The following C2CD3 variants were observed in gnomAD, a reference collection of about 807,000 sequenced individuals.
C2CD3 encodes C2 domain containing 3 centriole elongation regulator, also known as C2 domain-containing protein 3.
C2CD3 carries 148 observed loss-of-function variants against 234.0 expected under a neutral mutation model. That is an observed-to-expected ratio of 0.63 (90% confidence interval 0.55 to 0.72). C2CD3 has a LOEUF of 0.72. Among genes scored for constraint, C2CD3 ranks in the 30% least tolerant of loss-of-function variants. The pLI is 0.00. For synonymous variants in C2CD3, 1,000 were observed against 1,035.4 expected, an observed-to-expected ratio of 0.97 and a Z score of 0.66; for missense variants, 2,577 against 2,811.5, an observed-to-expected ratio of 0.92 and a Z score of 1.89.
At position 74,100,336 on chromosome 11, in the gene C2CD3, T is replaced by C. The variant is rs73559847; in HGVS notation, c.2732+189A>G. On this transcript the variant is annotated intron_variant, in intron 15 of 32. Transcript: ENST00000334126. ...GTTGCAAGGTTTTTAGCATAGTGCC[T>C]GAAACATGGTAAGCAATATCTCTAA... 0.018 allele frequency among the ~76,000 whole-genome samples: 2,696 copies of C among 152,360 alleles called. 82 individuals are homozygous for C. The highest frequency in any genetic ancestry group is 0.062 in the African/African-American group (2,568 of 41,580).
chr11:74,136,716 T>C (rs562208376), intron 5 of C2CD3, among the ~76,000 whole-genome samples: 1 of 152,156 alleles, frequency 6.6e-6, no homozygotes, highest in Non-Finnish European at 1.5e-5. Flanking sequence ...TTTACCAGTC[T>C]GGTTACTTTC....
chr11:74,117,046 G>GTATATATATA lies in C2CD3; in HGVS notation c.1520+1181_1520+1182insTATATATATA, dbSNP rs1956997476. Among the ~76,000 whole-genome samples the GTATATATATA allele has an allele frequency of 3.1e-4, 13 of 42,466 alleles. 4 individuals carry two copies. The highest frequency in any genetic ancestry group is 7.8e-4 in the Admixed American group (3 of 3,856). 27.9% of individuals were successfully genotyped at this position (42,466 alleles called of 152,430 possible). A position where few individuals can be genotyped will look rare whatever the true frequency, so the allele number is the denominator to read the frequency against. ...CGTGTATATGTATATATACGTGTGT[G>GTATATATATA]TGTATATATATATGAATATATATAT... On this transcript the variant is annotated intron_variant, in intron 9 of 32. Coordinates refer to ENST00000334126, the MANE Select transcript of C2CD3 (RefSeq NM_001286577.2).
chr11:74,096,516 T>C (rs1264857972), intron 16 of C2CD3, among the ~76,000 whole-genome samples: 3 of 152,148 alleles, frequency 2.0e-5, no homozygotes, highest in African/African-American at 7.2e-5. Context: ...TCACAACAGC[T>C]ACTTAATTTG....
At chr11:74,131,935 A>G (rs962373766) in intron 7 of C2CD3, among the ~76,000 whole-genome samples, 4 of 152,240 alleles carry the variant, frequency 2.6e-5, no homozygotes, top group African/African-American at 9.6e-5. Context: ...ACTATGCCCT[A>G]TTAACTTTCC....
intron 17 of C2CD3, 85 bp from the exon 18 acceptor site, chr11:74,094,084 CT>C: frequency 9.1e-7 from 1 of 1,093,462 alleles, no homozygotes; most frequent in Non-Finnish European, 1.3e-6. Context: ...GTGAATATTA[CT>C]TAGTAATTCC....
intron 25 of C2CD3, among the ~76,000 whole-genome samples, chr11:74,055,373 TATATATTAC>T (rs150630097): frequency 0.046 from 6,989 of 152,230 alleles, 463 homozygotes; most frequent in African/African-American, 0.15. Context: ...CCAATACATT[TATATATTAC>T]ATAAATTACA....
intron 17 of C2CD3, among the ~76,000 whole-genome samples, chr11:74,094,911 A>G (rs184528212): frequency 2.0e-5 from 3 of 152,342 alleles, no homozygotes; most frequent in Admixed American, 1.3e-4. Context: ...ATCAACTTAT[A>G]CTATGTGTAT....
chr11:74,162,356 A>T (rs1402450492), intron 2 of C2CD3, among the ~76,000 whole-genome samples: 1 of 152,186 alleles, frequency 6.6e-6, no homozygotes, highest in East Asian at 1.9e-4. Context: ...TTTTATTAGT[A>T]TAGAATTTAT....
At chr11:74,056,230 T>A (rs1054028635) in intron 25 of C2CD3, among the ~76,000 whole-genome samples, 3 of 152,236 alleles carry the variant, frequency 2.0e-5, no homozygotes, top group African/African-American at 7.2e-5. Flanking sequence ...TGGCTAGTGT[T>A]GGTGGACAAG....
intron 23 of C2CD3, among the ~76,000 whole-genome samples, chr11:74,075,568 A>T (rs953163387): frequency 6.6e-6 from 1 of 152,180 alleles, no homozygotes; most frequent in African/African-American, 2.4e-5. Flanking sequence ...GAGATTTATA[A>T]AACAGAAGGA....
intron 31 of C2CD3, among the ~76,000 whole-genome samples, chr11:74,032,019 T>C (rs140399036): frequency 1.4e-4 from 22 of 152,356 alleles, no homozygotes; most frequent in Admixed American, 6.5e-4. Context: ...TCCACTCATT[T>C]GGTTTTCTCA....
intron 2 of C2CD3, 109 bp from the exon 3 acceptor site, chr11:74,161,665 T>A (rs1390963683): frequency 8.3e-6 from 5 of 605,768 alleles, no homozygotes; most frequent in East Asian, 3.0e-5. Context: ...TGAAAAAAAA[T>A]ATTTTATGTT....
chr11:74,048,051 G>A (rs561783145), intron 28 of C2CD3, among the ~76,000 whole-genome samples, 154 bp downstream of exon 28: 63 of 152,266 alleles, frequency 4.1e-4, no homozygotes, highest in African/African-American at 1.4e-3. Context: ...GTTTTCATAC[G>A]ATCTTGGGGT....
In C2CD3 at chr11:74,074,338, G is replaced by A. The variant is rs761842066; in HGVS notation, c.4866C>T (p.Arg1622=). 4 of 1,614,220 alleles carry A rather than the reference G, an allele frequency of 2.5e-6. No individual in the cohort carries two copies. In the South Asian group the frequency reaches 3.3e-5, roughly 13 times the overall value. Residue 1622 remains arginine, a synonymous_variant, in exon 24 of 33, where the codon CGC becomes CGT. Transcript: ENST00000334126. ...AATCAGCAGGGCCCTCCTGCGTCAGGCGGACTTCAGCTGTGGTGCTGCTGC... is the reference window on the plus strand; with the variant it reads ...AATCAGCAGGGCCCTCCTGCGTCAGACGGACTTCAGCTGTGGTGCTGCTGC... ...VPCSSTTAEV[R]LTQEGPADLD...
chr11:74,115,902 T>A (rs1173008223), intron 9 of C2CD3, among the ~76,000 whole-genome samples: 3 of 152,188 alleles, frequency 2.0e-5, no homozygotes, highest in African/African-American at 4.8e-5. Context: ...CAAATGGTGC[T>A]GGGACAATTG....
At chr11:74,157,057 T>C (rs1424404823) in intron 3 of C2CD3, among the ~76,000 whole-genome samples, 1 of 152,230 alleles carries the variant, frequency 6.6e-6, no homozygotes, top group Non-Finnish European at 1.5e-5. Flanking sequence ...TAGTCATCGA[T>C]CATATGCACA....
chr11:74,117,913 C>CAAAAAAAAAAAAAAAAAAACA (rs1262165951), intron 9 of C2CD3, among the ~76,000 whole-genome samples: 1 of 65,988 alleles, frequency 1.5e-5, no homozygotes. Flanking sequence ...AACTCCGTCT[C>CAAAAAAAAAAAAAAAAAAACA]AAAAAAAAAA....
intron 24 of C2CD3, among the ~76,000 whole-genome samples, chr11:74,064,914 T>C (rs1954434608): frequency 6.6e-6 from 1 of 152,080 alleles, no homozygotes; most frequent in Non-Finnish European, 1.5e-5. Context: ...ATACAAAAAT[T>C]AATTCAAGAT....
At chr11:74,058,448 A>ATTATTTCTATCATTG (rs1308027900) in intron 24 of C2CD3, among the ~76,000 whole-genome samples, 2 of 152,162 alleles carry the variant, frequency 1.3e-5, no homozygotes, top group African/African-American at 4.8e-5. Context: ...GATTTCTATC[A>ATTATTTCTATCATTG]TTATTTCTAT....
Sources: gnomAD v4.1 joint callset for allele counts (sites outside exome capture counted in the v4.1 genomes callset) on GRCh38, gnomAD v4.1.1 for gene constraint, MANE v1.5 for transcripts, NCBI Gene and HGNC (gene_info 2026-07-23, HGNC 2026-07-21) for gene names.